Variants in GALNTL6 observed in about 807,000 individuals in gnomAD.
The protein encoded by GALNTL6 is polypeptide N-acetylgalactosaminyltransferase-like 6.
GALNTL6 carries 46 observed loss-of-function variants against 73.7 expected under a neutral mutation model. The observed-to-expected ratio is 0.62, with a 90% CI of 0.49 to 0.80. The LOEUF is 0.80. Among genes scored for constraint, GALNTL6 ranks in the 30% least tolerant of loss-of-function variants. The pLI is 0.00. For synonymous variants in GALNTL6, 259 were observed against 263.7 expected, an observed-to-expected ratio of 0.98 and a Z score of 0.17; for missense variants, 604 against 755.0, an observed-to-expected ratio of 0.80 and a Z score of 2.34.
At chr4:172,399,721 G>T (rs965852741) in intron 5 of GALNTL6, among the ~76,000 whole-genome samples, 1 of 152,032 alleles carries the variant, frequency 6.6e-6, no homozygotes, top group African/African-American at 2.4e-5. Flanking sequence ...TACGTACTGT[G>T]CAGAAAAATA....
chr4:172,579,269 G>C (rs1228732557), intron 5 of GALNTL6, among the ~76,000 whole-genome samples: 2 of 152,072 alleles, frequency 1.3e-5, no homozygotes. Context: ...TATAGCTTTG[G>C]TATATAATCA....
chr4:171,946,984 G>A (rs1454486730), intron 2 of GALNTL6, among the ~76,000 whole-genome samples: 1 of 152,040 alleles, frequency 6.6e-6, no homozygotes, highest in African/African-American at 2.4e-5. Flanking sequence ...GATTGCCCTG[G>A]CTCATCTTTA....
intron 5 of GALNTL6, among the ~76,000 whole-genome samples, chr4:172,583,886 T>C: frequency 8.6e-6 from 1 of 115,762 alleles, no homozygotes; most frequent in Non-Finnish European, 1.6e-5. Context: ...AGAGCGAGAC[T>C]CTGTCTCAAA....
intron 2 of GALNTL6, among the ~76,000 whole-genome samples, chr4:171,885,334 G>A (rs989188963): frequency 3.3e-5 from 5 of 152,020 alleles, no homozygotes; most frequent in Admixed American, 2.0e-4. Context: ...TTGTTGATAT[G>A]TATTTCTCAC....
intron 5 of GALNTL6, among the ~76,000 whole-genome samples, chr4:172,353,715 T>TTATA (rs150092120): frequency 6.0e-5 from 9 of 151,150 alleles, no homozygotes; most frequent in Non-Finnish European, 8.9e-5. Context: ...GGAAAAAATA[T>TTATA]TATATATATA....
chr4:172,959,855 C>A (rs62341879), intron 10 of GALNTL6, among the ~76,000 whole-genome samples: 1 of 152,114 alleles, frequency 6.6e-6, no homozygotes, highest in African/African-American at 2.4e-5. Flanking sequence ...AGGAGGTGGG[C>A]CTGGAGGAAT....
intron 5 of GALNTL6, among the ~76,000 whole-genome samples, chr4:172,788,760 A>T (rs1739826493): frequency 6.6e-6 from 1 of 152,024 alleles, no homozygotes; most frequent in Non-Finnish European, 1.5e-5. Flanking sequence ...GGTGATAACT[A>T]AGGGAACAAG....
At chr4:172,805,303 T>C (rs1283905058) in intron 5 of GALNTL6, among the ~76,000 whole-genome samples, 1 of 152,164 alleles carries the variant, frequency 6.6e-6, no homozygotes, top group African/African-American at 2.4e-5. Flanking sequence ...TCCATATAAA[T>C]TTATGGCACA....
intron 5 of GALNTL6, among the ~76,000 whole-genome samples, chr4:172,689,620 A>T (rs975429145): frequency 2.0e-5 from 3 of 152,148 alleles, no homozygotes; most frequent in Non-Finnish European, 4.4e-5. Context: ...AAGGGACAAG[A>T]TCTTCTAAGT....
At chr4:172,019,742 T>C (rs777057142) in intron 2 of GALNTL6, among the ~76,000 whole-genome samples, 27 of 152,192 alleles carry the variant, frequency 1.8e-4, no homozygotes, top group Middle Eastern at 3.4e-3. Flanking sequence ...CACCCCACTT[T>C]CAGCATTGGA....
intron 4 of GALNTL6, among the ~76,000 whole-genome samples, chr4:172,333,891 ATTC>A (rs1282868603): frequency 6.6e-6 from 1 of 152,112 alleles, no homozygotes; most frequent in Non-Finnish European, 1.5e-5. Flanking sequence ...GTCTAGTTTT[ATTC>A]TTCTGCATGT....
intron 10 of GALNTL6, among the ~76,000 whole-genome samples, chr4:172,957,376 G>A (rs531954222): frequency 4.6e-5 from 7 of 152,262 alleles, no homozygotes; most frequent in South Asian, 2.1e-4. Flanking sequence ...TATTTTCCTC[G>A]GTCTAAGAAC....
At chr4:172,128,904 G>A (rs1733377934) in intron 2 of GALNTL6, among the ~76,000 whole-genome samples, 1 of 152,170 alleles carries the variant, frequency 6.6e-6, no homozygotes, top group South Asian at 2.1e-4. Context: ...AATACCTTAT[G>A]TTATGGCTCT....
chr4:171,834,082 A>G (rs1055649865), intron 2 of GALNTL6, among the ~76,000 whole-genome samples: 2 of 151,926 alleles, frequency 1.3e-5, no homozygotes, highest in African/African-American at 4.8e-5. Context: ...CCAAGTCCTC[A>G]TATTTCCTGG....
chr4:171,977,469 C>T (rs1739755370), intron 2 of GALNTL6, among the ~76,000 whole-genome samples: 1 of 152,140 alleles, frequency 6.6e-6, no homozygotes, highest in African/African-American at 2.4e-5. Flanking sequence ...CTTCTGTGGC[C>T]TCACTCCTTG....
rs373866591 is a variant in GALNTL6 at position 172,514,432 on chromosome 4, C to A, written c.553+165743C>A. Among the ~76,000 whole-genome samples, 5 of 152,276 alleles carry A rather than the reference C, an allele frequency of 3.3e-5. No homozygotes were observed. The East Asian group carries it at 9.7e-4, about 29-fold the overall frequency. ...CAGAAAGGCCAGTCTCCTGCTGTGC[C>A]CCTCCAGCAGCACTGAGTTTATATC... On this transcript the variant is annotated intron_variant, in intron 5 of 12. Coordinates refer to ENST00000506823, the MANE Select transcript of GALNTL6 (RefSeq NM_001034845.3).
chr4:172,263,817 T>C (rs926509424), intron 3 of GALNTL6, among the ~76,000 whole-genome samples: 3 of 151,590 alleles, frequency 2.0e-5, no homozygotes, highest in Non-Finnish European at 3.0e-5. Context: ...GGTGAGGAAA[T>C]GTATGTACAT....
chr4:172,384,238 T>C (rs1743383501), intron 5 of GALNTL6, among the ~76,000 whole-genome samples: 1 of 152,126 alleles, frequency 6.6e-6, no homozygotes, highest in Admixed American at 6.5e-5. Context: ...GCCCAAACTT[T>C]TCTTTGTGGG....
chr4:172,859,060 CA>C (rs960251910), intron 7 of GALNTL6, among the ~76,000 whole-genome samples: 10 of 113,828 alleles, frequency 8.8e-5, no homozygotes, highest in Non-Finnish European at 2.0e-4. Flanking sequence ...AAAAAAAAAA[CA>C]ATGATAAAGG....
Sources: gnomAD v4.1 joint callset for allele counts (sites outside exome capture counted in the v4.1 genomes callset) on GRCh38, gnomAD v4.1.1 for gene constraint, MANE v1.5 for transcripts, NCBI Gene and HGNC (gene_info 2026-07-23, HGNC 2026-07-21) for gene names.